The following CCNY variants were observed in gnomAD, a reference collection of about 807,000 sequenced individuals.
CCNY encodes the protein cyclin Y, also known as cyclin-Y.
A neutral mutation model predicts 42.8 loss-of-function variants in CCNY; 19 were observed. The ratio of observed to expected loss-of-function variants is 0.44; its 90% CI spans 0.31 to 0.65. The LOEUF (loss-of-function observed/expected upper bound fraction) is 0.65. CCNY is among the 30% of genes least tolerant of loss of function. The pLI is 0.07. For synonymous variants in CCNY, 165 were observed against 162.7 expected, an observed-to-expected ratio of 1.01 and a Z score of -0.11; for missense variants, 370 against 437.3, an observed-to-expected ratio of 0.85 and a Z score of 1.37.
At chr10:35,269,582 G>A (rs1470730554) in intron 3 of CCNY, among the ~76,000 whole-genome samples, 1 of 150,918 alleles carries the variant, frequency 6.6e-6, no homozygotes, top group Non-Finnish European at 1.5e-5. Context: ...TAGGATTACA[G>A]GCATGAGCCG....
Position 35,530,343 on chromosome 10 carries a change from C to CTGGTG in CCNY, c.579+100_579+101insTGGTG. ...TGAGGTTGGAGCAGGGAATCCTCAC[C>CTGGTG]AGGTTACCCTGTGGACACCGTGGCA... On this transcript the variant is annotated intron_variant, in intron 7 of 9. Transcript: ENST00000374704. This position sits in a 1 kb window ranked among gnomAD's most constrained non-coding sequence, Gnocchi z 4.3. 1 of 1,452,822 alleles carries CTGGTG rather than the reference C, an allele frequency of 6.9e-7. No individual in the cohort carries two copies. Among genetic ancestry groups the CTGGTG allele is most frequent in the Non-Finnish European group, 9.5e-7 (1 of 1,055,964 alleles). The allele number at this position is 1,452,822 out of a possible 1,614,324, so 90.0% of individuals were successfully genotyped here.
chr10:35,564,926 A>G (rs1312400979), intron 8 of CCNY, among the ~76,000 whole-genome samples: 1 of 152,230 alleles, frequency 6.6e-6, no homozygotes, highest in Non-Finnish European at 1.5e-5. Context: ...TTCAGCAGCC[A>G]CATGCTGCAT....
chr10:35,354,944 T>C (rs1238047767), intron 1 of CCNY, among the ~76,000 whole-genome samples: 1 of 152,226 alleles, frequency 6.6e-6, no homozygotes, highest in Non-Finnish European at 1.5e-5. Flanking sequence ...CTTTATAAAA[T>C]AGCTATTTTT....
chr10:35,506,603 A>G (rs369825193), intron 3 of CCNY, among the ~76,000 whole-genome samples: 36 of 152,226 alleles, frequency 2.4e-4, no homozygotes, highest in African/African-American at 8.2e-4. Context: ...GTAATGAGGC[A>G]CAAAGGAAGT....
rs1841700675 is a variant in CCNY at position 35,572,234 on chromosome 10, C to T, written c.*3064C>T. The T allele has an allele frequency of 6.6e-6, 1 of 152,024 alleles. No homozygotes were observed. The highest frequency in any genetic ancestry group is 2.4e-5 in the African/African-American group (1 of 41,404). The allele number at this position is 152,024 out of a possible 1,614,324, so 9.4% of individuals were successfully genotyped here. On this transcript the variant is annotated 3_prime_UTR_variant, in exon 10 of 10. Coordinates refer to ENST00000374704, the MANE Select transcript of CCNY (RefSeq NM_145012.6). ...GAGTGAATGATTTAAACTTTTCCTG[C>T]TGCTTTTGGTAACTTCTCACCTGGG... is the stretch of plus-strand genomic sequence containing the variant.
intron 3 of CCNY, among the ~76,000 whole-genome samples, chr10:35,295,651 T>C (rs905291319): frequency 3.3e-5 from 5 of 152,176 alleles, no homozygotes; most frequent in Non-Finnish European, 7.3e-5. Flanking sequence ...AAAATACTTG[T>C]CATTTTGTGT....
At chr10:35,393,443 C>T (rs1564394213) in intron 1 of CCNY, among the ~76,000 whole-genome samples, 1 of 152,170 alleles carries the variant, frequency 6.6e-6, no homozygotes, top group Admixed American at 6.5e-5. Context: ...TTTAGTACCC[C>T]TGCATTTCCT....
intron 1 of CCNY, among the ~76,000 whole-genome samples, chr10:35,349,017 T>A (rs1836369748): frequency 6.6e-6 from 1 of 152,142 alleles, no homozygotes; most frequent in African/African-American, 2.4e-5. Flanking sequence ...TGTGAATTTT[T>A]TCCAACCAAA....
In CCNY at chr10:35,304,445, G is replaced by T. The variant is rs1488525786; in HGVS notation, c.-9+53819G>T. ...CTGCCTCAGCCTCCCAAGTAGCTGG[G>T]ACTACAGGCGCCCGCCACTACGCCC... On this transcript the variant is annotated intron_variant, in intron 3 of 11. Transcript: ENST00000374706. Among the ~76,000 whole-genome samples, 9 of 106,148 alleles carry T rather than the reference G, an allele frequency of 8.5e-5. 4 individuals carry two copies. The highest frequency in any genetic ancestry group is 4.1e-4 in the African/African-American group (9 of 21,884). The allele number at this position is 106,148 out of a possible 152,430, so 69.6% of individuals were successfully genotyped here.
rs367698052 is a variant in CCNY at position 35,318,335 on chromosome 10, C to A, written c.-9+67709C>A. On this transcript the variant is annotated intron_variant, in intron 3 of 11. Coordinates refer to the CCNY transcript ENST00000374706. Reference sequence around the variant, plus strand: ...CCAACTCTGTGCATGTGCAACTACCCACCTACCCATGTGCAACTGTGGGCC... The same window carrying A: ...CCAACTCTGTGCATGTGCAACTACCAACCTACCCATGTGCAACTGTGGGCC... 2.2e-4 allele frequency among the ~76,000 whole-genome samples: 34 copies of A among 152,224 alleles called. 2 individuals are homozygous for A. The South Asian group carries it at 6.4e-3, about 29-fold the overall frequency.
chr10:35,418,612 C>G (rs1286530335), intron 1 of CCNY, among the ~76,000 whole-genome samples: 1 of 151,990 alleles, frequency 6.6e-6, no homozygotes, highest in Admixed American at 6.6e-5. Flanking sequence ...TGAGAATATG[C>G]CTCCGTTGCT....
intron 3 of CCNY, among the ~76,000 whole-genome samples, chr10:35,322,080 G>A (rs774795153): frequency 2.6e-5 from 4 of 152,204 alleles, no homozygotes; most frequent in Non-Finnish European, 5.9e-5. Context: ...ACTTGGATGG[G>A]TGCGGTGGCT....
intron 4 of CCNY, 32 bp downstream of exon 4, chr10:35,516,655 TCC>T (rs1840432543): frequency 1.1e-6 from 1 of 947,492 alleles, no homozygotes; most frequent in African/African-American, 2.0e-5. Context: ...CTTCCTTCCT[TCC>T]TTCCTTTTTT....
At chr10:35,366,016 T>G (rs997770686) in intron 1 of CCNY, among the ~76,000 whole-genome samples, 1 of 152,264 alleles carries the variant, frequency 6.6e-6, no homozygotes, top group African/African-American at 2.4e-5. Flanking sequence ...TTGAGAGTTG[T>G]TGCTGTATCT....
chr10:35,475,263 A>G (rs1222173325), intron 1 of CCNY, among the ~76,000 whole-genome samples: 2 of 152,292 alleles, frequency 1.3e-5, no homozygotes, highest in South Asian at 2.1e-4. Context: ...GCAGGCCAAC[A>G]TTCAGATTCA....
chr10:35,457,298 C>T (rs1043796828), intron 1 of CCNY, among the ~76,000 whole-genome samples: 1 of 152,122 alleles, frequency 6.6e-6, no homozygotes, highest in Non-Finnish European at 1.5e-5. Flanking sequence ...TTAAAGTCTC[C>T]GCAGATGACT....
At chr10:35,372,744 G>C (rs1400819384) in intron 1 of CCNY, among the ~76,000 whole-genome samples, 1 of 152,320 alleles carries the variant, frequency 6.6e-6, no homozygotes, top group South Asian at 2.1e-4. Flanking sequence ...TTGTTGCCCA[G>C]GCTAGAGTAC....
chr10:35,434,771 G>T (rs1838489275), intron 1 of CCNY, among the ~76,000 whole-genome samples: 4 of 152,186 alleles, frequency 2.6e-5, no homozygotes, highest in African/African-American at 7.2e-5. Flanking sequence ...TGTATTTTTT[G>T]ACCCATGTCT....
At chr10:35,301,784 G>A (rs773182291) in intron 3 of CCNY, among the ~76,000 whole-genome samples, 3 of 151,750 alleles carry the variant, frequency 2.0e-5, no homozygotes, top group Non-Finnish European at 4.4e-5. Context: ...ACAGGTGCAT[G>A]CCACCATGCC....
Sources: allele counts gnomAD v4.1 joint callset (sites outside exome capture counted in the v4.1 genomes callset), GRCh38; gene constraint gnomAD v4.1.1; non-coding constraint Gnocchi (gnomAD v3.1); transcripts MANE v1.5; gene names NCBI Gene and HGNC (gene_info 2026-07-23, HGNC 2026-07-21).